GCGR: variants seen among roughly 807,000 people sequenced by gnomAD.
The protein encoded by GCGR is glucagon receptor.
Under a neutral mutation model 56.1 loss-of-function variants are expected in GCGR, and 41 were observed. The observed-to-expected ratio is 0.73, with a 90% CI of 0.57 to 0.95. The LOEUF is 0.95. Among genes scored for constraint, GCGR ranks in the 40% least tolerant of loss-of-function variants. The pLI, the probability that GCGR is intolerant of heterozygous loss-of-function variation, is 0.00. For missense variants in GCGR, 595 were observed against 638.2 expected, an observed-to-expected ratio of 0.93 and a Z score of 0.73; for synonymous variants, 278 against 271.1, an observed-to-expected ratio of 1.03 and a Z score of -0.25.
chr17:81,807,728 C>T (rs534750131), intron 1 of GCGR, among the ~76,000 whole-genome samples: 115 of 152,362 alleles, frequency 7.5e-4, no homozygotes, highest in Middle Eastern at 6.8e-3. Context: ...CGCGGGACCC[C>T]GCACATGCAC....
chr17:81,809,476 T>C (rs555696100), intron 2 of GCGR, among the ~76,000 whole-genome samples: 32 of 145,494 alleles, frequency 2.2e-4, no homozygotes, highest in African/African-American at 7.5e-4. Flanking sequence ...CCTGCCTGTC[T>C]GCCTGCCTGT....
rs1338189422 is a variant in GCGR, at chr17:81,812,626, T to G, written c.998T>G (p.Leu333Arg). The change falls in exon 11 of 14, where the codon CTG (leucine) becomes CGG (arginine). Residue 333 changes from leucine to arginine, a missense_variant. Physicochemically the swap from Leu to Arg is moderately radical, Grantham distance 102. Transcript: ENST00000400723. This position sits in a 1 kb window ranked among gnomAD's most constrained non-coding sequence, Gnocchi z 8.5. ...VRIVQLLVAKLRARQMHHTDY... is the reference protein window; with the variant it reads ...VRIVQLLVAKRRARQMHHTDY... ...ATCGTTCAGCTGCTCGTGGCCAAGC[T>G]GCGGGCACGGCAGATGCACCACACA... is the stretch of plus-strand genomic sequence containing the variant. The G allele has an allele frequency of 6.5e-7, 1 of 1,536,430 alleles. No individual in the cohort carries two copies. The highest frequency in any genetic ancestry group is 1.2e-5 in the South Asian group (1 of 84,044).
rs774799702 is a variant in GCGR at position 81,812,585 on chromosome 17, C to A, written c.957C>A (p.Phe319Leu). ...FPVFLAILIN[F>L]FIFVRIVQLL... Reference sequence around the variant, plus strand: ...GCACCCTTCTCACACAGATCAACTTCTTCATCTTCGTCCGCATCGTTCAGC... The same window carrying A: ...GCACCCTTCTCACACAGATCAACTTATTCATCTTCGTCCGCATCGTTCAGC... The change falls in exon 11 of 14, where the codon TTC becomes TTA. Residue 319 changes from phenylalanine (F) to leucine (L), a missense_variant. By Grantham distance (22) the Phe-to-Leu change is conservative. Coordinates refer to ENST00000400723, the MANE Select transcript of GCGR (RefSeq NM_000160.5). This position sits in a 1 kb window ranked among gnomAD's most constrained non-coding sequence, Gnocchi z 8.5. 74 of 1,536,420 alleles carry A rather than the reference C, an allele frequency of 4.8e-5. No homozygotes were observed. The highest frequency in any genetic ancestry group is 5.8e-5 in the Non-Finnish European group (67 of 1,146,756).
rs565063503 is a variant in GCGR, at chr17:81,813,316, G to A, written c.1219-158G>A. On this transcript the variant is annotated intron_variant, in intron 13 of 13. Coordinates refer to ENST00000400723, the MANE Select transcript of GCGR (RefSeq NM_000160.5). This position sits in a 1 kb window ranked among gnomAD's most constrained non-coding sequence, Gnocchi z 5.3. ...GTGTCTGCAGACTGCTTTCCGTGGC[G>A]ATGCTGGGTGGCATAGCTGTGCCCA... is the stretch of plus-strand genomic sequence containing the variant. 1.3e-4 allele frequency among the ~76,000 whole-genome samples: 20 copies of A among 152,270 alleles called. No homozygotes were observed. In the East Asian group the frequency reaches 3.5e-3, roughly 26 times the overall value.
chr17:81,809,472 TGTCTGCCTGC>T, intron 2 of GCGR, among the ~76,000 whole-genome samples: 1 of 146,762 alleles, frequency 6.8e-6, no homozygotes, highest in African/African-American at 2.6e-5. Flanking sequence ...TCTGCCTGCC[TGTCTGCCTGC>T]CTGTCCGTCT....
rs2038106379 is a variant in GCGR, at chr17:81,811,800, C to G, written c.807C>G (p.Gly269=). Residue 269 remains glycine, a synonymous_variant, in exon 8 of 14, where the codon GGC becomes GGG. Transcript: ENST00000400723. The surrounding 1 kb of genome is among the most constrained non-coding windows in gnomAD (Gnocchi z 5.8). The stretch of plus-strand genomic sequence containing the variant: ...GGAGCTTCTTCAGCCTCTACCTGGG[C>G]ATCGGCTGGGGTGAGTGGGCTGGCA... ...PERSFFSLYL[G]IGWGAPMLFV... is the part of the protein sequence containing the mutation. 1 of 1,537,250 alleles carries G rather than the reference C, an allele frequency of 6.5e-7. No individual in the cohort carries two copies. Among genetic ancestry groups the G allele is most frequent in the Non-Finnish European group, 8.7e-7 (1 of 1,147,010 alleles).
chr17:81,813,127 G>A lies in GCGR; in HGVS notation c.1218+70G>A. ...GGGGTCAGGGGCAGAGAGAGGCACA[G>A]GGATGCCAGCCCCACCCCTGCCCGG... On this transcript the variant is annotated intron_variant, in intron 13 of 13. Transcript: ENST00000400723. This position sits in a 1 kb window ranked among gnomAD's most constrained non-coding sequence, Gnocchi z 5.3. 6.5e-7 allele frequency: 1 copy of A among 1,531,688 alleles called. No individual in the cohort carries two copies. Among genetic ancestry groups the A allele is most frequent in the Non-Finnish European group, 8.7e-7 (1 of 1,144,434 alleles). 94.9% of individuals were successfully genotyped at this position (1,531,688 alleles called of 1,614,324 possible). A position where few individuals can be genotyped will look rare whatever the true frequency, so the allele number is the denominator to read the frequency against.
At position 81,806,161 on chromosome 17, in the gene GCGR, G is replaced by C. The variant is rs754123702; in HGVS notation, c.-178+1912G>C. Among the ~76,000 whole-genome samples, 1 of 151,456 alleles carries C rather than the reference G, an allele frequency of 6.6e-6. No individual in the cohort carries two copies. Among genetic ancestry groups the C allele is most frequent in the Non-Finnish European group, 1.5e-5 (1 of 67,892 alleles). ...CTCAGCTGGAAATTGGTCCCCCCCC[G>C]GCTCCACCCACCCCTGTTGGGGTGA... On this transcript the variant is annotated intron_variant, in intron 1 of 13. Transcript: ENST00000400723. The surrounding 1 kb of genome is among the most constrained non-coding windows in gnomAD (Gnocchi z 6.5).
At chr17:81,809,679 C>T in intron 2 of GCGR, 103 bp from the exon 3 acceptor site, 1 of 834,134 alleles carries the variant, frequency 1.2e-6, no homozygotes. Flanking sequence ...GTCTGTCCAT[C>T]TGCCTATCCA....
chr17:81,811,598 T>C lies in GCGR; in HGVS notation c.657+38T>C. 1 of 1,535,806 alleles carries C rather than the reference T, an allele frequency of 6.5e-7. No individual in the cohort carries two copies. Among genetic ancestry groups the C allele is most frequent in the Non-Finnish European group, 8.7e-7 (1 of 1,146,730 alleles). On this transcript the variant is annotated intron_variant, in intron 7 of 13. Coordinates refer to ENST00000400723, the MANE Select transcript of GCGR (RefSeq NM_000160.5). This position sits in a 1 kb window ranked among gnomAD's most constrained non-coding sequence, Gnocchi z 5.8. ...CGGCGGCCCCAGGCAGGTGGGTGGG[T>C]GGGCAGCCAGGCAGGTGGCCACGTA...
chr17:81,813,622 G>C lies in GCGR; in HGVS notation c.1367G>C (p.Ser456Thr), dbSNP rs766891858. 222 of 1,536,350 alleles carry C rather than the reference G, an allele frequency of 1.4e-4. No individual in the cohort carries two copies. The highest frequency in any genetic ancestry group is 1.9e-4 in the Non-Finnish European group (216 of 1,146,854). ...KELQFGRGGG[S>T]QDSSAETPLA... is the part of the protein sequence containing the mutation. ...CTGCAGTTTGGGAGGGGTGGTGGCAGCCAGGATTCATCTGCGGAGACCCCC... is the reference window on the plus strand; with the variant it reads ...CTGCAGTTTGGGAGGGGTGGTGGCACCCAGGATTCATCTGCGGAGACCCCC... Residue 456 changes from serine to threonine, a missense_variant, in exon 14 of 14, where the codon AGC becomes ACC. Coordinates refer to ENST00000400723, the MANE Select transcript of GCGR (RefSeq NM_000160.5). The surrounding 1 kb of genome is among the most constrained non-coding windows in gnomAD (Gnocchi z 5.3).
Position 81,810,515 on chromosome 17 carries a change from C to T in GCGR, c.164-310C>T. On this transcript the variant is annotated intron_variant, in intron 3 of 13. Transcript: ENST00000400723. The surrounding 1 kb of genome is among the most constrained non-coding windows in gnomAD (Gnocchi z 4.6). ...GAGAAGGTCACGGAGAATGGGGGAC[C>T]CCAGTGTGGGTTTGGGGCACATTTG... 1 of 497,584 alleles carries T rather than the reference C, an allele frequency of 2.0e-6. No homozygotes were observed. Among genetic ancestry groups the T allele is most frequent in the Non-Finnish European group, 3.7e-6 (1 of 272,796 alleles). The allele number at this position is 497,584 out of a possible 1,614,324, so 30.8% of individuals were successfully genotyped here. A position where few individuals can be genotyped will look rare whatever the true frequency, so the allele number is the denominator to read the frequency against.
rs1477160332 is a variant in GCGR, at chr17:81,811,098, G to A, written c.360G>A (p.Gln120=). 8.5e-6 allele frequency: 13 copies of A among 1,536,140 alleles called. No individual in the cohort carries two copies. Among genetic ancestry groups the A allele is most frequent in the Non-Finnish European group, 1.0e-5 (12 of 1,146,842 alleles). Residue 120 remains glutamine (Q), a synonymous_variant, in exon 5 of 14, where the codon CAG becomes CAA. Coordinates refer to ENST00000400723, the MANE Select transcript of GCGR (RefSeq NM_000160.5). This position sits in a 1 kb window ranked among gnomAD's most constrained non-coding sequence, Gnocchi z 5.8. The part of the protein sequence containing the change: ...PRGQPWRDAS[Q]CQMDGEEIEV... ...GGCAGCCTTGGCGTGATGCCTCCCA[G>A]TGCCAGATGGATGGCGAGGAGATTG...
chr17:81,810,913 C>T lies in GCGR; in HGVS notation c.252C>T (p.Tyr84=). 2 of 1,536,712 alleles carry T rather than the reference C, an allele frequency of 1.3e-6. No homozygotes were observed. Among genetic ancestry groups the T allele is most frequent in the Non-Finnish European group, 1.7e-6 (2 of 1,146,874 alleles). ...NTTANISCPW[Y]LPWHHKVQHR... ...CGGCCAACATCTCCTGCCCCTGGTA[C>T]CTGCCTTGGCACCACAAAGGTACCC... Residue 84 remains tyrosine, a synonymous_variant, in exon 4 of 14, where the codon TAC becomes TAT. Coordinates refer to ENST00000400723, the MANE Select transcript of GCGR (RefSeq NM_000160.5). The surrounding 1 kb of genome is among the most constrained non-coding windows in gnomAD (Gnocchi z 4.6).
rs2038088552 is a variant in GCGR at position 81,811,149 on chromosome 17, A to T, written c.393+18A>T. On this transcript the variant is annotated intron_variant, in intron 5 of 13. Transcript: ENST00000400723. This position sits in a 1 kb window ranked among gnomAD's most constrained non-coding sequence, Gnocchi z 5.8. The stretch of plus-strand genomic sequence containing the variant: ...AGGTCCAGGTCAGTGGGCGGCAGGC[A>T]GGCGCGGTGGGGCTGGATGGGAACG... The T allele has an allele frequency of 6.5e-7, 1 of 1,536,148 alleles. No individual in the cohort carries two copies. The highest frequency in any genetic ancestry group is 2.0e-5 in the Admixed American group (1 of 51,000).
Position 81,812,585 on chromosome 17 carries a change from C to T in GCGR, c.957C>T (p.Phe319=). The T allele has an allele frequency of 6.5e-7, 1 of 1,536,538 alleles. No individual in the cohort carries two copies. Among genetic ancestry groups the T allele is most frequent in the Non-Finnish European group, 8.7e-7 (1 of 1,146,748 alleles). Residue 319 remains phenylalanine (F), a synonymous_variant, in exon 11 of 14, where the codon TTC becomes TTT. Transcript: ENST00000400723. The surrounding 1 kb of genome is among the most constrained non-coding windows in gnomAD (Gnocchi z 8.5). ...FPVFLAILIN[F]FIFVRIVQLL... is the part of the protein sequence containing the mutation. Reference sequence around the variant, plus strand: ...GCACCCTTCTCACACAGATCAACTTCTTCATCTTCGTCCGCATCGTTCAGC... The same window carrying T: ...GCACCCTTCTCACACAGATCAACTTTTTCATCTTCGTCCGCATCGTTCAGC...
rs1309055471 is a variant in GCGR, at chr17:81,812,284, A to C, written c.948+32A>C. 2 of 1,533,604 alleles carry C rather than the reference A, an allele frequency of 1.3e-6. No individual in the cohort carries two copies. The highest frequency in any genetic ancestry group is 2.7e-5 in the African/African-American group (2 of 73,032). The allele number at this position is 1,533,604 out of a possible 1,614,324, so 95.0% of individuals were successfully genotyped here. ...AAATGAAGAGCCAGGAGCGCACCCCAGGCCCCTCCTCCCTTGGCGTCCTGA... is the reference window on the plus strand; with the variant it reads ...AAATGAAGAGCCAGGAGCGCACCCCCGGCCCCTCCTCCCTTGGCGTCCTGA... On this transcript the variant is annotated intron_variant, in intron 10 of 13. Transcript: ENST00000400723. This position sits in a 1 kb window ranked among gnomAD's most constrained non-coding sequence, Gnocchi z 8.5.
At chr17:81,809,938 A>T (rs2038060148) in intron 3 of GCGR, 54 bp downstream of exon 3, 1 of 1,329,558 alleles carries the variant, frequency 7.5e-7, no homozygotes. Flanking sequence ...GCACTTCCTG[A>T]GTTCTCTTCA....
chr17:81,811,579 C>T lies in GCGR; in HGVS notation c.657+19C>T. ...TGATGGAGTGAGCCCCCCTCGGCGG[C>T]CCCAGGCAGGTGGGTGGGTGGGCAG... On this transcript the variant is annotated intron_variant, in intron 7 of 13. Coordinates refer to ENST00000400723, the MANE Select transcript of GCGR (RefSeq NM_000160.5). The surrounding 1 kb of genome is among the most constrained non-coding windows in gnomAD (Gnocchi z 5.8). 1.3e-6 allele frequency: 2 copies of T among 1,536,174 alleles called. No individual in the cohort carries two copies. Among genetic ancestry groups the T allele is most frequent in the East Asian group, 2.4e-5 (1 of 40,904 alleles).
Sources: allele counts gnomAD v4.1 joint callset (sites outside exome capture counted in the v4.1 genomes callset), GRCh38; gene constraint gnomAD v4.1.1; non-coding constraint Gnocchi (gnomAD v3.1); transcripts MANE v1.5; gene names NCBI Gene and HGNC (gene_info 2026-07-23, HGNC 2026-07-21).